Variants in PTPRG observed in about 807,000 individuals in gnomAD.
PTPRG encodes the protein protein tyrosine phosphatase receptor type G, also known as receptor-type tyrosine-protein phosphatase gamma.
A neutral mutation model predicts 165.3 loss-of-function variants in PTPRG; 102 were observed. That is an observed-to-expected ratio of 0.62 (90% CI 0.53 to 0.73). PTPRG has a LOEUF of 0.73. Ranked by LOEUF, PTPRG falls within the 30% of genes least tolerant of loss-of-function variation. The pLI is 0.00. For missense variants in PTPRG, 1,866 were observed against 1,861.4 expected, an observed-to-expected ratio of 1.00 and a Z score of -0.05; for synonymous variants, 675 against 669.5, an observed-to-expected ratio of 1.01 and a Z score of -0.13.
At chr3:62,194,995 C>T in intron 9 of PTPRG, 67 bp from the exon 10 acceptor site, 3 of 1,488,750 alleles carry the variant, frequency 2.0e-6, no homozygotes, top group African/African-American at 2.8e-5. Flanking sequence ...TCAGGTTTGG[C>T]TTTAGAATGC....
chr3:61,599,741 G>A lies in PTPRG; in HGVS notation c.85+37369G>A, dbSNP rs571864519. Among the ~76,000 whole-genome samples the A allele has an allele frequency of 1.1e-4, 16 of 151,860 alleles. No individual in the cohort carries two copies. The South Asian group carries it at 3.1e-3, about 30-fold the overall frequency. ...ACTCCTGGACTGAAGTGATCTGCAC[G>A]CCTTGGCCTCCCAAAGTGCTAGGAT... On this transcript the variant is annotated intron_variant, in intron 1 of 29. Transcript: ENST00000474889.
At chr3:61,732,327 C>T (rs1284720835) in intron 1 of PTPRG, among the ~76,000 whole-genome samples, 1 of 152,116 alleles carries the variant, frequency 6.6e-6, no homozygotes, top group East Asian at 1.9e-4. Flanking sequence ...CCTGTAATCC[C>T]AGCACTATGG....
intron 2 of PTPRG, among the ~76,000 whole-genome samples, chr3:61,842,541 A>G (rs979484889): frequency 3.9e-5 from 6 of 152,178 alleles, no homozygotes; most frequent in African/African-American, 1.4e-4. Context: ...AAATCAACCC[A>G]ACTTACATTT....
chr3:61,965,220 G>T (rs2040241444), intron 2 of PTPRG, among the ~76,000 whole-genome samples: 1 of 144,206 alleles, frequency 6.9e-6, no homozygotes, highest in African/African-American at 2.7e-5. Context: ...CTCCAGCTTG[G>T]GCAACAAGAG....
At position 62,251,254 on chromosome 3, in the gene PTPRG, G is replaced by C. The variant is rs546230981; in HGVS notation, c.2468-3870G>C. Among the ~76,000 whole-genome samples, 7 of 152,076 alleles carry C rather than the reference G, an allele frequency of 4.6e-5. No individual in the cohort carries two copies. In the East Asian group the frequency reaches 1.4e-3, roughly 29 times the overall value. On this transcript the variant is annotated intron_variant, in intron 15 of 29. Transcript: ENST00000474889. The stretch of plus-strand genomic sequence containing the variant: ...AAAAATATAAGCCAGGTGTGGTGAC[G>C]TGGGCCTGTAGTCCCAGCTACGCAG...
At chr3:61,599,373 C>T (rs1274737540) in intron 1 of PTPRG, among the ~76,000 whole-genome samples, 1 of 152,142 alleles carries the variant, frequency 6.6e-6, no homozygotes, top group Non-Finnish European at 1.5e-5. Flanking sequence ...GTCTCGAACT[C>T]CTGACATCAA....
chr3:61,748,552 A>C (rs144907347), intron 1 of PTPRG, among the ~76,000 whole-genome samples: 1 of 152,144 alleles, frequency 6.6e-6, no homozygotes, highest in African/African-American at 2.4e-5. Context: ...TTGCTTATCC[A>C]TAAAAGGGCC....
chr3:61,699,246 A>G (rs1167084447), intron 1 of PTPRG, among the ~76,000 whole-genome samples: 1 of 152,196 alleles, frequency 6.6e-6, no homozygotes, highest in Non-Finnish European at 1.5e-5. Flanking sequence ...AGGAAAAAAA[A>G]AATTATTTTT....
At chr3:61,684,627 G>A (rs1703562594) in intron 1 of PTPRG, among the ~76,000 whole-genome samples, 1 of 152,174 alleles carries the variant, frequency 6.6e-6, no homozygotes, top group African/African-American at 2.4e-5. Context: ...GGAAACACAG[G>A]TCATAAAAGC....
chr3:61,949,034 A>G (rs982153967), intron 2 of PTPRG, among the ~76,000 whole-genome samples: 5 of 149,754 alleles, frequency 3.3e-5, no homozygotes, highest in African/African-American at 1.2e-4. Context: ...AACAAAAAAG[A>G]CAAGCCAAGA....
At chr3:61,623,154 T>C (rs1701508684) in intron 1 of PTPRG, among the ~76,000 whole-genome samples, 1 of 152,172 alleles carries the variant, frequency 6.6e-6, no homozygotes, top group East Asian at 1.9e-4. Context: ...TGATAGATTT[T>C]TTTGCTCAGG....
At position 62,026,879 on chromosome 3, in the gene PTPRG, T is replaced by TAAAAAAAAAAAAAAAAAAAAAA. The variant is rs200417191; in HGVS notation, c.519+23397_519+23398insAAAAAAAAAAAAAAAAAAAAAA. ...CCAGCCTGGGAAACCGAGTGAGAATTAAAAAAAAAAAAAAAGATATAAGAA... is the reference window on the plus strand; with the variant it reads ...CCAGCCTGGGAAACCGAGTGAGAATTAAAAAAAAAAAAAAAAAAAAAAAAAAAAAAAAAAAAAGATATAAGAA... On this transcript the variant is annotated intron_variant, in intron 4 of 29. Coordinates refer to ENST00000474889, the MANE Select transcript of PTPRG (RefSeq NM_002841.4). Among the ~76,000 whole-genome samples, 375 of 94,326 alleles carry TAAAAAAAAAAAAAAAAAAAAAA rather than the reference T, an allele frequency of 4.0e-3. 14 individuals carry two copies. Among genetic ancestry groups the TAAAAAAAAAAAAAAAAAAAAAA allele is most frequent in the Non-Finnish European group, 6.1e-3 (304 of 49,602 alleles). 61.9% of individuals were successfully genotyped at this position (94,326 alleles called of 152,430 possible).
At chr3:62,148,147 AAAAT>A (rs1379789504) in intron 6 of PTPRG, among the ~76,000 whole-genome samples, 1 of 152,178 alleles carries the variant, frequency 6.6e-6, no homozygotes, top group Non-Finnish European at 1.5e-5. Flanking sequence ...CTCTATCTCA[AAAAT>A]AAATAAATAA....
intron 4 of PTPRG, among the ~76,000 whole-genome samples, chr3:62,010,455 C>T (rs920881197): frequency 1.3e-5 from 2 of 151,688 alleles, no homozygotes; most frequent in African/African-American, 4.9e-5. Context: ...TCCTCTCAAC[C>T]TTTAGTCCAT....
intron 2 of PTPRG, among the ~76,000 whole-genome samples, chr3:61,968,582 G>C (rs1268539819): frequency 6.6e-6 from 1 of 152,164 alleles, no homozygotes; most frequent in African/African-American, 2.4e-5. Flanking sequence ...ATCTGAGAGT[G>C]CTTCTGCCAT....
chr3:62,087,076 A>T (rs541754281), intron 5 of PTPRG, among the ~76,000 whole-genome samples: 1 of 152,328 alleles, frequency 6.6e-6, no homozygotes, highest in Admixed American at 6.5e-5. Context: ...TGATAGTTTA[A>T]AATTGTTTTG....
intron 2 of PTPRG, among the ~76,000 whole-genome samples, chr3:61,836,451 C>T (rs1030924592): frequency 6.6e-6 from 1 of 152,136 alleles, no homozygotes; most frequent in Non-Finnish European, 1.5e-5. Context: ...AAGACACTAG[C>T]CTTTCCTGTC....
intron 1 of PTPRG, among the ~76,000 whole-genome samples, chr3:61,623,920 G>T (rs12635919): frequency 0.45 from 68,377 of 151,962 alleles, 16,315 homozygotes; most frequent in African/African-American, 0.63. Flanking sequence ...AAATACAGCC[G>T]CTGGTGTTTA....
intron 12 of PTPRG, among the ~76,000 whole-genome samples, chr3:62,211,668 T>G (rs951750349): frequency 4.6e-5 from 7 of 152,164 alleles, no homozygotes; most frequent in African/African-American, 1.7e-4. Context: ...TTATCTTCCT[T>G]GCAAATTAAA....
Sources: gnomAD v4.1 joint callset for allele counts (sites outside exome capture counted in the v4.1 genomes callset) on GRCh38, gnomAD v4.1.1 for gene constraint, MANE v1.5 for transcripts, NCBI Gene and HGNC (gene_info 2026-07-23, HGNC 2026-07-21) for gene names.